The following MEGF9 variants were observed in gnomAD, a reference collection of about 807,000 sequenced individuals.
MEGF9 encodes the protein multiple EGF like domains 9, also known as multiple epidermal growth factor-like domains protein 9.
In MEGF9, 6 loss-of-function variants were observed where a neutral mutation model predicts 46.8. The ratio of observed to expected loss-of-function variants is 0.13; its 90% CI spans 0.07 to 0.25. The LOEUF (loss-of-function observed/expected upper bound fraction) is 0.25, where lower values mean the gene tolerates loss of function less well. Among genes scored for constraint, MEGF9 ranks in the 10% least tolerant of loss-of-function variants. The pLI, the probability that MEGF9 is intolerant of heterozygous loss-of-function variation, is 1.00. For synonymous variants in MEGF9, 302 were observed against 330.7 expected, an observed-to-expected ratio of 0.91 and a Z score of 0.94; for missense variants, 683 against 792.4, an observed-to-expected ratio of 0.86 and a Z score of 1.66.
intron 4 of MEGF9, among the ~76,000 whole-genome samples, chr9:120,611,868 AG>A (rs2043448545): frequency 7.4e-6 from 1 of 135,604 alleles, no homozygotes; most frequent in African/African-American, 3.6e-5. Flanking sequence ...AGGAAGAAAG[AG>A]AGAGAGAGAG....
chr9:120,702,301 A>C (rs898179007), intron 1 of MEGF9, among the ~76,000 whole-genome samples: 2 of 152,222 alleles, frequency 1.3e-5, no homozygotes, highest in South Asian at 2.1e-4. Context: ...TTAGTCAATG[A>C]CAGAAATTAT....
intron 2 of MEGF9, among the ~76,000 whole-genome samples, chr9:120,637,021 C>G (rs922582746): frequency 4.6e-5 from 7 of 152,196 alleles, no homozygotes; most frequent in Non-Finnish European, 8.8e-5. Context: ...AAAGAGAGAT[C>G]AGATTGTTAT....
chr9:120,683,410 A>T (rs538258044), intron 1 of MEGF9, among the ~76,000 whole-genome samples: 1 of 152,298 alleles, frequency 6.6e-6, no homozygotes, highest in South Asian at 2.1e-4. Context: ...ACCAGATGGG[A>T]GGTGATTGGA....
At chr9:120,687,074 T>C (rs945560271) in intron 1 of MEGF9, among the ~76,000 whole-genome samples, 2 of 152,108 alleles carry the variant, frequency 1.3e-5, no homozygotes, top group African/African-American at 2.4e-5. Context: ...CCAAAAAAAA[T>C]ATCTAATTTT....
At chr9:120,666,898 C>T (rs911764168) in intron 1 of MEGF9, among the ~76,000 whole-genome samples, 1 of 152,038 alleles carries the variant, frequency 6.6e-6, no homozygotes. Context: ...GGGAAGAGAA[C>T]AGATCAGGGG....
chr9:120,691,950 C>A (rs1004324723), intron 1 of MEGF9, among the ~76,000 whole-genome samples: 2 of 152,106 alleles, frequency 1.3e-5, no homozygotes, highest in African/African-American at 4.8e-5. Context: ...TTAGGTACTT[C>A]GAATACTGAA....
chr9:120,705,197 C>T (rs1267124939), intron 1 of MEGF9, among the ~76,000 whole-genome samples: 4 of 151,894 alleles, frequency 2.6e-5, no homozygotes, highest in African/African-American at 9.7e-5. Context: ...AAGAAGGCTT[C>T]ATAATCTAAA....
At chr9:120,665,825 T>C (rs1365604108) in intron 1 of MEGF9, among the ~76,000 whole-genome samples, 1 of 152,240 alleles carries the variant, frequency 6.6e-6, no homozygotes, top group Non-Finnish European at 1.5e-5. Flanking sequence ...ATATCCATTT[T>C]TCCCAGCATC....
chr9:120,607,291 C>A (rs1029267868), intron 5 of MEGF9, among the ~76,000 whole-genome samples: 1 of 152,116 alleles, frequency 6.6e-6, no homozygotes, highest in African/African-American at 2.4e-5. Context: ...TTATTTCCTC[C>A]ATTGTACATG....
At chr9:120,682,100 T>C (rs2043801293) in intron 1 of MEGF9, among the ~76,000 whole-genome samples, 1 of 152,230 alleles carries the variant, frequency 6.6e-6, no homozygotes, top group Non-Finnish European at 1.5e-5. Flanking sequence ...ATTTTTATTA[T>C]AAGCAATCTG....
chr9:120,704,847 T>A (rs997457465), intron 1 of MEGF9, among the ~76,000 whole-genome samples: 5 of 152,246 alleles, frequency 3.3e-5, no homozygotes, highest in African/African-American at 1.2e-4. Context: ...GGAAATTCTG[T>A]CATTCAAAAG....
At chr9:120,684,286 T>C (rs2043811666) in intron 1 of MEGF9, among the ~76,000 whole-genome samples, 2 of 152,244 alleles carry the variant, frequency 1.3e-5, no homozygotes, top group Non-Finnish European at 2.9e-5. Context: ...GTCTGCTTGC[T>C]TTCTGAATAA....
chr9:120,699,655 C>T (rs868302974), intron 1 of MEGF9, among the ~76,000 whole-genome samples: 2 of 145,382 alleles, frequency 1.4e-5, no homozygotes, highest in Non-Finnish European at 3.0e-5. Flanking sequence ...CCCAGGAGTT[C>T]GAGGCTGCAG....
At chr9:120,684,116 TAG>T (rs1479597203) in intron 1 of MEGF9, among the ~76,000 whole-genome samples, 4 of 152,136 alleles carry the variant, frequency 2.6e-5, no homozygotes, top group African/African-American at 9.7e-5. Flanking sequence ...AAGAAAGGAC[TAG>T]AGAAGGTAGA....
chr9:120,690,491 C>G (rs578223483), intron 1 of MEGF9, among the ~76,000 whole-genome samples: 3 of 152,060 alleles, frequency 2.0e-5, no homozygotes, highest in Non-Finnish European at 4.4e-5. Context: ...AATGATACAT[C>G]AGATGTAGAA....
At chr9:120,664,898 A>G (rs2043718236) in intron 1 of MEGF9, among the ~76,000 whole-genome samples, 1 of 152,224 alleles carries the variant, frequency 6.6e-6, no homozygotes, top group African/African-American at 2.4e-5. Context: ...TTGATGCACA[A>G]TAATAATACC....
intron 1 of MEGF9, among the ~76,000 whole-genome samples, chr9:120,661,443 G>C (rs150826041): frequency 6.6e-6 from 1 of 152,194 alleles, no homozygotes; most frequent in Non-Finnish European, 1.5e-5. Context: ...CTTGAGCCTG[G>C]GAGGCTGAGG....
chr9:120,666,568 A>G (rs934580328), intron 1 of MEGF9, among the ~76,000 whole-genome samples: 1 of 152,242 alleles, frequency 6.6e-6, no homozygotes, highest in Admixed American at 6.5e-5. Flanking sequence ...TAGTAGAGAC[A>G]CTTTGGAAAA....
chr9:120,698,476 A>G (rs920346093), intron 1 of MEGF9, among the ~76,000 whole-genome samples: 2 of 152,214 alleles, frequency 1.3e-5, no homozygotes, highest in African/African-American at 4.8e-5. Context: ...CTTTGCCTCA[A>G]GCATATTGTT....
Sources: allele counts gnomAD v4.1 joint callset (sites outside exome capture counted in the v4.1 genomes callset), GRCh38; gene constraint gnomAD v4.1.1; transcripts MANE v1.5; gene names NCBI Gene and HGNC (gene_info 2026-07-23, HGNC 2026-07-21).